The following ICE1 variants were observed in gnomAD, a reference collection of about 807,000 sequenced individuals.
ICE1 encodes interactor of little elongation complex ELL subunit 1.
Under a neutral mutation model 192.7 loss-of-function variants are expected in ICE1, and 64 were observed. The observed-to-expected ratio is 0.33, with a 90% CI of 0.27 to 0.41. The LOEUF is 0.41. ICE1 is among the 10% of genes least tolerant of loss of function. The pLI, the probability that ICE1 is intolerant of heterozygous loss-of-function variation, is 1.00. For synonymous variants in ICE1, 1,010 were observed against 984.5 expected (o/e 1.03, Z -0.49); for missense variants, 2,708 against 2,696.0 (o/e 1.00, Z -0.10).
At position 5,461,968 on chromosome 5, in the gene ICE1, G is replaced by C. The variant is rs369857507; in HGVS notation, c.2634G>C (p.Leu878Phe). The C allele has an allele frequency of 1.7e-5, 27 of 1,613,854 alleles. No homozygotes were observed. The highest frequency in any genetic ancestry group is 5.0e-5 in the Admixed American group (3 of 60,014). The change falls in exon 13 of 19, where the codon TTG becomes TTC. Residue 878 changes from leucine (L) to phenylalanine (F), a missense_variant. Leu to Phe is a conservative substitution (Grantham distance 22). Coordinates refer to ENST00000296564, the MANE Select transcript of ICE1 (RefSeq NM_015325.3). ...EKVQSAKLEH[L>F]RPHRVEPTLV... is the part of the protein sequence containing the mutation. ...TTCAGAGTGCCAAATTGGAACACTT[G>C]AGGCCACATAGGGTTGAGCCTACCT... is the stretch of plus-strand genomic sequence containing the variant.
intron 17 of ICE1, among the ~76,000 whole-genome samples, chr5:5,477,847 T>C (rs776242432): frequency 2.6e-5 from 4 of 152,328 alleles, no homozygotes; most frequent in Non-Finnish European, 4.4e-5. Flanking sequence ...GCAATAAGCC[T>C]AATCCATCAC....
chr5:5,484,511 G>T (rs935576658), intron 17 of ICE1, among the ~76,000 whole-genome samples: 6 of 152,126 alleles, frequency 3.9e-5, no homozygotes, highest in Admixed American at 3.9e-4. Context: ...TTTGAAAGTG[G>T]TCAGTGACCT....
chr5:5,439,888 G>T lies in ICE1; in HGVS notation c.179-7G>T. 6.5e-7 allele frequency: 1 copy of T among 1,545,994 alleles called. No homozygotes were observed. ...AAATTCTCAGAGTTTTCTTTAATAA[G>T]TTTTACAGCTGCAGTTTGCAAGAAG... On this transcript the variant is annotated splice_polypyrimidine_tract_variant and splice_region_variant and intron_variant, in intron 3 of 18. Transcript: ENST00000296564.
intron 1 of ICE1, among the ~76,000 whole-genome samples, chr5:5,433,784 A>G (rs543960763): frequency 1.3e-5 from 2 of 152,306 alleles, no homozygotes; most frequent in Admixed American, 6.5e-5. Context: ...CGCTTAACAG[A>G]TGGTGACCCA....
At position 5,463,826 on chromosome 5, in the gene ICE1, A is replaced by G; in HGVS notation, c.4492A>G (p.Ser1498Gly). 1 of 1,614,044 alleles carries G rather than the reference A, an allele frequency of 6.2e-7. No homozygotes were observed. Among genetic ancestry groups the G allele is most frequent in the Middle Eastern group, 1.6e-4 (1 of 6,062 alleles). Residue 1498 changes from serine (S) to glycine (G), a missense_variant, in exon 13 of 19, where the codon AGC (serine) becomes GGC (glycine). This residue lies in a region of ICE1 where 2,366 missense variants were observed against 2,276.6 expected (regional missense o/e 1.04). Transcript: ENST00000296564. ...TTCATGTCCCCAAGAGGATGTTTCA[A>G]GCAGTGGTCAGAGCACCAACTTTGA... ...NLSCPQEDVS[S>G]SGQSTNFDKS...
intron 12 of ICE1, among the ~76,000 whole-genome samples, chr5:5,459,811 GA>G (rs1043998340): frequency 4.3e-4 from 65 of 152,316 alleles, no homozygotes; most frequent in African/African-American, 1.5e-3. Flanking sequence ...CTCAAGAGGA[GA>G]CGAGTTGGGG....
At position 5,476,015 on chromosome 5, in the gene ICE1, A is replaced by G. The variant is rs202240727; in HGVS notation, c.6456A>G (p.Arg2152=). 8 of 1,612,130 alleles carry G rather than the reference A, an allele frequency of 5.0e-6. No individual in the cohort carries two copies. The African/African-American group carries it at 1.1e-4, about 21-fold the overall frequency. Residue 2152 remains arginine (R), a synonymous_variant, in exon 17 of 19, where the codon AGA becomes AGG. Transcript: ENST00000296564. ...TGATGGATAAATGGATAAAATACAG[A>G]AAAGGACATGCAAACATTGCGTATA... ...WPVMDKWIKY[R]KGHANIAYTP... is the part of the protein sequence containing the mutation.
Position 5,461,081 on chromosome 5 carries a change from G to A in ICE1, c.1747G>A (p.Gly583Ser). 6.2e-7 allele frequency: 1 copy of A among 1,613,966 alleles called. No individual in the cohort carries two copies. Among genetic ancestry groups the A allele is most frequent in the Non-Finnish European group, 8.5e-7 (1 of 1,179,896 alleles). Residue 583 changes from glycine (G) to serine (S), a missense_variant, in exon 13 of 19, where the codon GGC (glycine) becomes AGC (serine). Around this residue, in one of 2 missense-constraint regions of ICE1, gnomAD observed 2,366 missense variants for 2,276.6 expected, o/e 1.04. Coordinates refer to ENST00000296564, the MANE Select transcript of ICE1 (RefSeq NM_015325.3). ...TSEPDRITVS[G>S]HFHRLSRELE... ...TGAACCAGACCGTATCACAGTTTCTGGCCATTTTCACAGACTATCTAGAGA... is the reference window on the plus strand; with the variant it reads ...TGAACCAGACCGTATCACAGTTTCTAGCCATTTTCACAGACTATCTAGAGA...
In ICE1 at chr5:5,436,707, A is replaced by C. The variant is rs755489576; in HGVS notation, c.143+231A>C. Among the ~76,000 whole-genome samples the C allele has an allele frequency of 4.6e-5, 7 of 152,308 alleles. No individual in the cohort carries two copies. In the East Asian group the frequency reaches 7.7e-4, roughly 17 times the overall value. On this transcript the variant is annotated intron_variant, in intron 2 of 18. Transcript: ENST00000296564. ...GGTTAGTAGGAAGTTGTTTTTACCA[A>C]ACTGGACTTCTTAAAAAATCTGTTT...
chr5:5,486,827 T>G lies in ICE1; in HGVS notation c.6619+8T>G, dbSNP rs1446329919. ...AGCATGCTCACGATGAAGGTAAAAC[T>G]TACATCTATTAAAATTACTTTTAAG... On this transcript the variant is annotated splice_region_variant and intron_variant, in intron 18 of 18. Transcript: ENST00000296564. The G allele has an allele frequency of 1.3e-6, 2 of 1,560,954 alleles. No homozygotes were observed. Among genetic ancestry groups the G allele is most frequent in the Non-Finnish European group, 1.7e-6 (2 of 1,145,874 alleles).
At chr5:5,452,529 C>T (rs1015356488) in intron 10 of ICE1, among the ~76,000 whole-genome samples, 6 of 151,968 alleles carry the variant, frequency 3.9e-5, no homozygotes, top group African/African-American at 1.4e-4. Context: ...TTAAGGAAGA[C>T]CTGAGTACAT....
chr5:5,437,621 A>C (rs915256453), intron 3 of ICE1: 2 of 153,424 alleles, frequency 1.3e-5, no homozygotes, highest in Non-Finnish European at 1.5e-5. Flanking sequence ...GTGGGCAGTC[A>C]GAAGACAATT....
chr5:5,486,856 C>A, intron 18 of ICE1, 37 bp downstream of exon 18: 1 of 1,468,882 alleles, frequency 6.8e-7, no homozygotes, highest in Non-Finnish European at 9.3e-7. Context: ...TTTTAAGTAA[C>A]TTGTGTTTCT....
rs1429924809 is a variant in ICE1 at position 5,466,361 on chromosome 5, A to G, written c.5920A>G (p.Ile1974Val). The change falls in exon 14 of 19, where the codon ATT (isoleucine) becomes GTT (valine). Residue 1974 changes from isoleucine (I) to valine (V), a missense_variant. By Grantham distance (29) the Ile-to-Val change is conservative (BLOSUM62 3). Coordinates refer to ENST00000296564, the MANE Select transcript of ICE1 (RefSeq NM_015325.3). Reference protein sequence around the residue: ...KHLAECLLHSILSELKIQKIS... With the variant: ...KHLAECLLHSVLSELKIQKIS... ...TTTAGCAGAGTGCTTGCTTCACTCT[A>G]TTCTCTCAGAACTAAAAATTCAGAA... The G allele has an allele frequency of 8.7e-6, 14 of 1,611,664 alleles. No homozygotes were observed. Among genetic ancestry groups the G allele is most frequent in the Non-Finnish European group, 1.2e-5 (14 of 1,179,134 alleles).
At chr5:5,456,995 C>CT (rs1258468569) in intron 11 of ICE1, among the ~76,000 whole-genome samples, 2 of 152,146 alleles carry the variant, frequency 1.3e-5, no homozygotes, top group Non-Finnish European at 2.9e-5. Flanking sequence ...CCAGATTCTG[C>CT]TGTTTGTATG....
chr5:5,439,273 C>G (rs558844667), intron 3 of ICE1, among the ~76,000 whole-genome samples: 41 of 152,210 alleles, frequency 2.7e-4, no homozygotes, highest in African/African-American at 9.4e-4. Flanking sequence ...ATGGAGGATG[C>G]ACACGTTTTT....
At chr5:5,454,001 C>G (rs1296230321) in intron 10 of ICE1, among the ~76,000 whole-genome samples, 10 of 152,124 alleles carry the variant, frequency 6.6e-5, no homozygotes, top group Non-Finnish European at 5.9e-5. Flanking sequence ...CGCACACATT[C>G]CCGTACCGTC....
At chr5:5,449,394 A>T (rs1738346670) in intron 10 of ICE1, among the ~76,000 whole-genome samples, 1 of 152,096 alleles carries the variant, frequency 6.6e-6, no homozygotes, top group Non-Finnish European at 1.5e-5. Flanking sequence ...TCACTTTACA[A>T]AAAAAGGCCA....
chr5:5,469,849 T>C (rs945406447), intron 15 of ICE1, among the ~76,000 whole-genome samples: 1 of 152,194 alleles, frequency 6.6e-6, no homozygotes, highest in Non-Finnish European at 1.5e-5. Context: ...AGTAGATTCA[T>C]GTGAGGTATT....
Sources: gnomAD v4.1 joint callset for allele counts (sites outside exome capture counted in the v4.1 genomes callset) on GRCh38, gnomAD v4.1.1 for gene constraint, gnomAD v4.1.1 regional missense constraint, MANE v1.5 for transcripts, NCBI Gene and HGNC (gene_info 2026-07-23, HGNC 2026-07-21) for gene names.